The following SSUH2 variants were observed in gnomAD, a reference collection of about 807,000 sequenced individuals.
SSUH2 encodes the protein ssu-2 homolog, also known as protein SSUH2 homolog.
In SSUH2, 47 loss-of-function variants were observed where a neutral mutation model predicts 55.3. That is an observed-to-expected ratio of 0.85 (90% CI 0.67 to 1.08). The LOEUF (loss-of-function observed/expected upper bound fraction) is 1.08. Ranked by LOEUF, SSUH2 falls within the 50% of genes least tolerant of loss-of-function variation. SSUH2 has a pLI of 0.00. For synonymous variants in SSUH2, 212 were observed against 191.5 expected, an observed-to-expected ratio of 1.11 and a Z score of -0.89; for missense variants, 535 against 490.7, an observed-to-expected ratio of 1.09 and a Z score of -0.85.
rs927412789 is a variant in SSUH2, at chr3:8,619,823, C to A, written c.*45G>T. The A allele has an allele frequency of 2.5e-6, 4 of 1,599,268 alleles. No homozygotes were observed. The highest frequency in any genetic ancestry group is 2.6e-6 in the Non-Finnish European group (3 of 1,172,266). Reference sequence around the variant, plus strand: ...ACACTCAGAGAGTGTCGGCCATCTTCCTTGGCAAACGTGAATGGCAGGCTC... The same window carrying A: ...ACACTCAGAGAGTGTCGGCCATCTTACTTGGCAAACGTGAATGGCAGGCTC... On this transcript the variant is annotated 3_prime_UTR_variant, in exon 12 of 12. Coordinates refer to ENST00000544814, the MANE Select transcript of SSUH2 (RefSeq NM_001256748.3).
rs755389990 is a variant in SSUH2 at position 8,619,865 on chromosome 3, A to T, written c.*3T>A. 1.5e-5 allele frequency: 24 copies of T among 1,612,990 alleles called. No individual in the cohort carries two copies. In the African/African-American group the frequency reaches 2.7e-4, roughly 18 times the overall value. The stretch of plus-strand genomic sequence containing the variant: ...GGCAGGCTCTGGGGACAGCCATGCT[A>T]TGTCACACGATGGTACAGCCACAGC... On this transcript the variant is annotated 3_prime_UTR_variant, in exon 12 of 12. Coordinates refer to ENST00000544814, the MANE Select transcript of SSUH2 (RefSeq NM_001256748.3).
intron 1 of SSUH2, among the ~76,000 whole-genome samples, chr3:8,681,363 C>CT (rs1304855523): frequency 6.7e-6 from 1 of 149,122 alleles, no homozygotes; most frequent in Non-Finnish European, 1.5e-5. Flanking sequence ...GAGCCAGCCC[C>CT]TTTTTTCCCC....
At chr3:8,674,121 G>T (rs547387102) in intron 3 of SSUH2, among the ~76,000 whole-genome samples, 2 of 152,316 alleles carry the variant, frequency 1.3e-5, no homozygotes, top group Admixed American at 1.3e-4. Context: ...GCAGTAAGCC[G>T]CGAGGAAAAG....
intron 6 of SSUH2, among the ~76,000 whole-genome samples, chr3:8,661,901 T>C (rs1220670890): frequency 6.6e-6 from 1 of 152,188 alleles, no homozygotes; most frequent in Non-Finnish European, 1.5e-5. Context: ...TCCCCTCATA[T>C]TTTTCTTGTG....
In SSUH2 at chr3:8,673,102, T is replaced by C. The variant is rs1324097928; in HGVS notation, c.-752-1067A>G. Among the ~76,000 whole-genome samples the C allele has an allele frequency of 2.6e-5, 4 of 152,026 alleles. No homozygotes were observed. The East Asian group carries it at 7.7e-4, about 29-fold the overall frequency. The stretch of plus-strand genomic sequence containing the variant: ...AAATCATTGCTAATAGTGTTCAGAT[T>C]ATTAATATTAATATTAATTATTACA... On this transcript the variant is annotated intron_variant, in intron 3 of 18. Transcript: ENST00000317371.
chr3:8,672,859 C>T (rs1358591464), intron 3 of SSUH2, among the ~76,000 whole-genome samples: 1 of 152,112 alleles, frequency 6.6e-6, no homozygotes, highest in African/African-American at 2.4e-5. Flanking sequence ...CGTCATACGC[C>T]ATCCTCTGGA....
intron 11 of SSUH2, among the ~76,000 whole-genome samples, chr3:8,623,089 G>A (rs1276591793): frequency 2.0e-5 from 3 of 152,194 alleles, no homozygotes; most frequent in Admixed American, 6.5e-5. Flanking sequence ...AGCCACCACC[G>A]CCACCTTGTG....
Position 8,665,122 on chromosome 3 carries a change from A to T in SSUH2, c.-454-1320T>A, listed in dbSNP as rs1478838708. On this transcript the variant is annotated intron_variant, in intron 5 of 18. Coordinates refer to the SSUH2 transcript ENST00000317371. ...TCAATGTTGTAGAATATTTATTATT[A>T]AAAAAGGTGACATGTTGACTGCAAT... Among the ~76,000 whole-genome samples the T allele has an allele frequency of 2.6e-5, 4 of 152,224 alleles. No individual in the cohort carries two copies. In the South Asian group the frequency reaches 6.2e-4, roughly 24 times the overall value.
chr3:8,631,073 T>G, intron 5 of SSUH2, 144 bp from the exon 6 acceptor site: 1 of 851,856 alleles, frequency 1.2e-6, no homozygotes, highest in East Asian at 3.2e-5. Flanking sequence ...GTCAAGGCCT[T>G]CCTTGGAGGC....
At chr3:8,677,003 G>T (rs1363992207) in intron 3 of SSUH2, among the ~76,000 whole-genome samples, 2 of 147,682 alleles carry the variant, frequency 1.4e-5, no homozygotes, top group African/African-American at 2.5e-5. Context: ...TCCCCCCCTG[G>T]CTCTTGAGAC....
chr3:8,676,044 G>C (rs1392712676), intron 3 of SSUH2, among the ~76,000 whole-genome samples: 1 of 152,090 alleles, frequency 6.6e-6, no homozygotes, highest in African/African-American at 2.4e-5. Context: ...TGACTCTTGG[G>C]CAAAACCTGA....
upstream of SSUH2, among the ~76,000 whole-genome samples, chr3:8,648,816 T>C (rs1415405339): frequency 1.3e-5 from 2 of 152,144 alleles, no homozygotes; most frequent in Non-Finnish European, 2.9e-5. Flanking sequence ...TCCAGGACTC[T>C]ACCAATCCTG....
At chr3:8,645,393 C>T (rs1209228887), upstream of SSUH2, among the ~76,000 whole-genome samples, 1 of 152,218 alleles carries the variant, frequency 6.6e-6, no homozygotes, top group Non-Finnish European at 1.5e-5. Context: ...CTACTGTCGC[C>T]ACACCAGCCT....
Position 8,671,361 on chromosome 3 carries a change from TCA to T in SSUH2, c.-610-210_-610-209del, listed in dbSNP as rs550369641. Among the ~76,000 whole-genome samples the T allele has an allele frequency of 5.9e-4, 90 of 152,202 alleles. 1 individual carries two copies. The highest frequency in any genetic ancestry group is 5.4e-3 in the Admixed American group (83 of 15,296). On this transcript the variant is annotated intron_variant, in intron 4 of 18. Transcript: ENST00000317371. Reference sequence around the variant, plus strand: ...ATTTCCCTAGAATATGACGATAATATCACAGAGTGTACACCCTCTGTGATACG... The same window carrying T: ...ATTTCCCTAGAATATGACGATAATATCAGAGTGTACACCCTCTGTGATACG...
chr3:8,662,723 T>C (rs550139981), intron 6 of SSUH2, among the ~76,000 whole-genome samples: 2 of 152,316 alleles, frequency 1.3e-5, no homozygotes, highest in East Asian at 3.9e-4. Context: ...TACACAGCCC[T>C]GCTTTCCCCA....
At chr3:8,628,492 A>C (rs1414397523) in intron 7 of SSUH2, among the ~76,000 whole-genome samples, 1 of 152,204 alleles carries the variant, frequency 6.6e-6, no homozygotes, top group Non-Finnish European at 1.5e-5. Context: ...TTCCAAGTTC[A>C]AGTTTACTGG....
intron 7 of SSUH2, 194 bp downstream of exon 7, chr3:8,629,470 T>C: frequency 1.7e-6 from 1 of 590,762 alleles, no homozygotes. Context: ...AAAGTGAAAG[T>C]GTCATTAGAG....
At chr3:8,647,987 C>T (rs746591781), upstream of SSUH2, among the ~76,000 whole-genome samples, 46 of 152,320 alleles carry the variant, frequency 3.0e-4, no homozygotes, top group South Asian at 6.2e-4. Context: ...AAGCACCCTC[C>T]TCTCTCTGGG....
At chr3:8,666,112 T>A (rs1046694281) in intron 5 of SSUH2, among the ~76,000 whole-genome samples, 1 of 152,220 alleles carries the variant, frequency 6.6e-6, no homozygotes, top group Non-Finnish European at 1.5e-5. Flanking sequence ...GAGTTTCAAA[T>A]GTGCTTTTCA....
Sources: allele counts gnomAD v4.1 joint callset (sites outside exome capture counted in the v4.1 genomes callset), GRCh38; gene constraint gnomAD v4.1.1; transcripts MANE v1.5; gene names NCBI Gene and HGNC (gene_info 2026-07-23, HGNC 2026-07-21).